Variants in KIF4A observed in about 807,000 individuals in gnomAD.
KIF4A encodes the protein kinesin family member 4A, also known as chromosome-associated kinesin KIF4A.
KIF4A carries 7 observed loss-of-function variants against 105.9 expected under a neutral mutation model. The observed-to-expected ratio is 0.07, with a 90% CI of 0.04 to 0.12. The LOEUF (loss-of-function observed/expected upper bound fraction) is 0.12. KIF4A is among the 10% of genes least tolerant of loss of function. The pLI is 1.00. For missense variants in KIF4A, 558 were observed against 929.2 expected (o/e 0.60, Z 5.19); for synonymous variants, 281 against 331.3 (o/e 0.85, Z 1.65).
At chrX:70,410,965 T>C (rs2086319559) in intron 28 of KIF4A, among the ~76,000 whole-genome samples, 1 of 112,370 alleles carries the variant, frequency 8.9e-6, no homozygotes, top group Non-Finnish European at 1.9e-5. Flanking sequence ...TTTTATATGG[T>C]GTTATATGGT....
At chrX:70,325,148 C>G (rs374329357) in intron 7 of KIF4A, among the ~76,000 whole-genome samples, 180 of 112,075 alleles carry the variant, frequency 1.6e-3, no homozygotes, top group African/African-American at 5.6e-3. Flanking sequence ...AAAATAAAAC[C>G]TTACAACAAA....
intron 30 of KIF4A, 62 bp downstream of exon 30, chrX:70,419,845 TGAGAGACCAGTA>T: frequency 8.4e-7 from 1 of 1,186,200 alleles, no homozygotes; most frequent in Non-Finnish European, 1.1e-6. Context: ...GCATTATCTA[TGAGAGACCAGTA>T]GGAGAGAGGC....
intron 20 of KIF4A, among the ~76,000 whole-genome samples, chrX:70,387,686 G>A (rs2086222973): frequency 9.0e-6 from 1 of 111,691 alleles, no homozygotes; most frequent in South Asian, 3.8e-4. Flanking sequence ...TGACCAACAT[G>A]GTGAAACCTC....
intron 3 of KIF4A, 88 bp downstream of exon 3, chrX:70,290,893 C>A (rs1160039544): frequency 6.7e-6 from 4 of 593,940 alleles, no homozygotes; most frequent in Non-Finnish European, 1.1e-5. Context: ...ACTGCAAATA[C>A]AGGAATCGAT....
chrX:70,300,696 C>G (rs762729632), intron 5 of KIF4A, among the ~76,000 whole-genome samples: 50 of 111,540 alleles, frequency 4.5e-4, no homozygotes, highest in African/African-American at 1.6e-3. Context: ...TGTAAAACTT[C>G]TGAGTGAGGG....
chrX:70,302,246 T>C (rs901117324), intron 6 of KIF4A, 58 bp from the exon 7 acceptor site: 2 of 1,168,132 alleles, frequency 1.7e-6, no homozygotes, highest in East Asian at 6.0e-5. Flanking sequence ...AGCTTTGATA[T>C]TCAGTTACTC....
Position 70,349,458 on chromosome X carries a change from C to T in KIF4A, c.1432-3142C>T, listed in dbSNP as rs771085068. ...GCAGAGGCGCTCCCCACTTCCCTGA[C>T]GGGGCGGCCGGGCAGAGACGCTCCT... On this transcript the variant is annotated intron_variant, in intron 13 of 30. Coordinates refer to ENST00000374403, the MANE Select transcript of KIF4A (RefSeq NM_012310.5). 2.3e-3 allele frequency among the ~76,000 whole-genome samples: 203 copies of T among 88,319 alleles called. 3 individuals carry two copies. The highest frequency in any genetic ancestry group is 8.4e-3 in the African/African-American group (188 of 22,448). 76.7% of individuals were successfully genotyped at this position (88,319 alleles called of 115,157 possible).
At chrX:70,337,938 T>A (rs1165369662) in intron 10 of KIF4A, among the ~76,000 whole-genome samples, 1 of 112,032 alleles carries the variant, frequency 8.9e-6, no homozygotes. Context: ...ATTTTTTTTA[T>A]AATAGCAACC....
In KIF4A at chrX:70,386,694, C is replaced by T. The variant is rs1433642341; in HGVS notation, c.2111C>T (p.Thr704Met). 2.5e-6 allele frequency: 3 copies of T among 1,195,230 alleles called. No homozygotes were observed. The highest frequency in any genetic ancestry group is 2.2e-5 in the Admixed American group (1 of 45,918). The change falls in exon 19 of 31, where the codon ACG becomes ATG. Residue 704 changes from threonine (T) to methionine (M), a missense_variant. Coordinates refer to ENST00000374403, the MANE Select transcript of KIF4A (RefSeq NM_012310.5). ...QKQSNVLRRKTEEAAAANKRL... is the reference protein window; with the variant it reads ...QKQSNVLRRKMEEAAAANKRL... ...CAATCCAATGTGCTCAGACGTAAAACGGAGGAGGTAAGAAAATTCAATCTG... is the reference window on the plus strand; with the variant it reads ...CAATCCAATGTGCTCAGACGTAAAATGGAGGAGGTAAGAAAATTCAATCTG...
chrX:70,330,153 T>A lies in KIF4A; in HGVS notation c.896-4T>A. 8.6e-7 allele frequency: 1 copy of A among 1,168,989 alleles called. No homozygotes were observed. On this transcript the variant is annotated splice_region_variant and splice_polypyrimidine_tract_variant and intron_variant, in intron 8 of 30. Coordinates refer to ENST00000374403, the MANE Select transcript of KIF4A (RefSeq NM_012310.5). ...TTTCGTTATTCTTTATTGTTCTTTT[T>A]CAGATTCTCTAGGAGGTAATAGCCA... is the stretch of plus-strand genomic sequence containing the variant.
intron 15 of KIF4A, among the ~76,000 whole-genome samples, chrX:70,365,581 C>T (rs1437375879): frequency 1.8e-5 from 2 of 111,694 alleles, no homozygotes; most frequent in Non-Finnish European, 3.8e-5. Flanking sequence ...CCTTGCATCC[C>T]AGGGATGAAG....
Position 70,373,524 on chromosome X carries a change from GTATATATATA to G in KIF4A, c.1675-604_1675-595del, listed in dbSNP as rs1219143158. On this transcript the variant is annotated intron_variant, in intron 15 of 30. Transcript: ENST00000374403. Reference sequence around the variant, plus strand: ...CATATATATATACATGTGTGTGTATGTATATATATATATATATATATATATATATATACGT... The same window carrying G: ...CATATATATATACATGTGTGTGTATGTATATATATATATATATATATACGT... 3.4e-4 allele frequency among the ~76,000 whole-genome samples: 2 copies of G among 5,895 alleles called. 1 individual carries two copies. The highest frequency in any genetic ancestry group is 4.8e-4 in the Non-Finnish European group (2 of 4,177). The allele number at this position is 5,895 out of a possible 115,157, so 5.1% of individuals were successfully genotyped here.
chrX:70,419,198 C>T (rs1002246246), intron 29 of KIF4A, among the ~76,000 whole-genome samples: 3 of 112,013 alleles, frequency 2.7e-5, no homozygotes, highest in Non-Finnish European at 3.8e-5. Flanking sequence ...TTTCAGTTTG[C>T]GTTCAAGAGT....
chrX:70,412,256 C>A (rs1229899168), intron 28 of KIF4A, among the ~76,000 whole-genome samples: 1 of 111,568 alleles, frequency 9.0e-6, no homozygotes, highest in South Asian at 3.8e-4. Context: ...ATAGGACAAC[C>A]CATTGGATTC....
At chrX:70,308,554 T>C (rs967194340) in intron 7 of KIF4A, among the ~76,000 whole-genome samples, 1 of 112,633 alleles carries the variant, frequency 8.9e-6, no homozygotes, top group African/African-American at 3.2e-5. Flanking sequence ...GTCATCATGC[T>C]ACACATATTG....
At chrX:70,406,813 C>T (rs1158394005) in intron 27 of KIF4A, 80 bp from the exon 28 acceptor site, 15 of 1,001,526 alleles carry the variant, frequency 1.5e-5, no homozygotes, top group Non-Finnish European at 2.1e-5. Flanking sequence ...TAGCTGGCAA[C>T]AGCTACTGGG....
chrX:70,348,690 C>T (rs1165152826), intron 13 of KIF4A, among the ~76,000 whole-genome samples: 2 of 111,621 alleles, frequency 1.8e-5, no homozygotes, highest in African/African-American at 6.5e-5. Context: ...AGATTAACAG[C>T]ATCCCAAGGC....
intron 28 of KIF4A, among the ~76,000 whole-genome samples, chrX:70,410,669 G>A (rs2086318263): frequency 8.9e-6 from 1 of 111,882 alleles, no homozygotes; most frequent in Admixed American, 9.5e-5. Flanking sequence ...CTCATAAGGA[G>A]TGCGCAACAT....
At chrX:70,322,308 TTTTA>T (rs2085893622) in intron 7 of KIF4A, among the ~76,000 whole-genome samples, 4 of 108,459 alleles carry the variant, frequency 3.7e-5, no homozygotes, top group African/African-American at 1.3e-4. Context: ...TTTTAATTTA[TTTTA>T]TTTATTTATT....
Sources: allele counts gnomAD v4.1 joint callset (sites outside exome capture counted in the v4.1 genomes callset), GRCh38; gene constraint gnomAD v4.1.1; transcripts MANE v1.5; gene names NCBI Gene and HGNC (gene_info 2026-07-23, HGNC 2026-07-21).